Variants in ATP2B4 observed in about 807,000 individuals in gnomAD.
ATP2B4 encodes plasma membrane calcium-transporting ATPase 4.
Under a neutral mutation model 110.3 loss-of-function variants are expected in ATP2B4, and 39 were observed. That is an observed-to-expected ratio of 0.35 (90% confidence interval 0.27 to 0.46). The LOEUF (loss-of-function observed/expected upper bound fraction) is 0.46, where lower values mean the gene tolerates loss of function less well. Ranked by LOEUF, ATP2B4 falls within the 20% of genes least tolerant of loss-of-function variation. ATP2B4 has a pLI of 1.00. For synonymous variants in ATP2B4, 538 were observed against 571.7 expected (o/e 0.94, Z 0.84); for missense variants, 1,135 against 1,530.9 (o/e 0.74, Z 4.32).
intron 1 of ATP2B4, among the ~76,000 whole-genome samples, chr1:203,643,936 T>C (rs774015584): frequency 7.2e-5 from 11 of 152,158 alleles, no homozygotes; most frequent in Non-Finnish European, 1.3e-4. Flanking sequence ...CTTTGGCTCA[T>C]AGAATGAGGA....
intron 10 of ATP2B4, 25 bp downstream of exon 10, chr1:203,708,129 C>T: frequency 6.2e-7 from 1 of 1,611,426 alleles, no homozygotes; most frequent in Non-Finnish European, 8.5e-7. Flanking sequence ...TGCGTAGACA[C>T]TTAGAGTGGG....
intron 1 of ATP2B4, among the ~76,000 whole-genome samples, chr1:203,680,168 C>T (rs1664959898): frequency 6.6e-6 from 1 of 151,918 alleles, no homozygotes; most frequent in African/African-American, 2.4e-5. Flanking sequence ...TGGTTATAAC[C>T]TAGCTAATGG....
In ATP2B4 at chr1:203,740,919, AGCCATCT is replaced by A. The variant is rs981105664; in HGVS notation, c.*1070_*1076del. The A allele has an allele frequency of 1.3e-5, 2 of 152,258 alleles. No individual in the cohort carries two copies. Among genetic ancestry groups the A allele is most frequent in the African/African-American group, 4.8e-5 (2 of 41,450 alleles). The allele number at this position is 152,258 out of a possible 1,614,324, so 9.4% of individuals were successfully genotyped here. ...TCTTTGGGGTGACCACTGCTTTCAA[AGCCATCT>A]GCCAAGGCTCTCCAGGGCAGGACCT... On this transcript the variant is annotated 3_prime_UTR_variant, in exon 21 of 21. Transcript: ENST00000357681.
intron 1 of ATP2B4, among the ~76,000 whole-genome samples, chr1:203,662,444 C>T (rs1664368662): frequency 6.6e-6 from 1 of 152,186 alleles, no homozygotes; most frequent in Non-Finnish European, 1.5e-5. Flanking sequence ...AAACTCTGTA[C>T]CCATTAAACA....
intron 20 of ATP2B4, chr1:203,729,560 A>AAG (rs1553251647): frequency 1.7e-4 from 76 of 449,822 alleles, no homozygotes; most frequent in Admixed American, 9.8e-4. Context: ...AAAAAAAAAA[A>AAG]AAGAAGAAGA....
intron 1 of ATP2B4, among the ~76,000 whole-genome samples, chr1:203,640,323 G>C (rs993712261): frequency 6.6e-6 from 1 of 152,182 alleles, no homozygotes; most frequent in East Asian, 1.9e-4. Flanking sequence ...AACACTTGTT[G>C]CATCCTTTTT....
In ATP2B4 at chr1:203,699,385, T is replaced by A. The variant is rs544989103; in HGVS notation, c.392-75T>A. On this transcript the variant is annotated intron_variant, in intron 3 of 20. Transcript: ENST00000357681. ...TCCTGACTTTCTATCTTGGGGTGAT[T>A]GTGGAAGCACTACTCCTATTTCTTA... The A allele has an allele frequency of 1.3e-5, 21 of 1,569,320 alleles. No homozygotes were observed. The South Asian group carries it at 2.5e-4, about 19-fold the overall frequency.
At chr1:203,686,974 C>T (rs1477087130) in intron 2 of ATP2B4, among the ~76,000 whole-genome samples, 3 of 144,974 alleles carry the variant, frequency 2.1e-5, no homozygotes, top group African/African-American at 5.1e-5. Context: ...GGATTACAGG[C>T]GTGAGCCATG....
chr1:203,656,913 T>C, intron 1 of ATP2B4: 1 of 598,108 alleles, frequency 1.7e-6, no homozygotes, highest in Non-Finnish European at 3.0e-6. Context: ...ATTACAGTAA[T>C]GGCAGTTTTT....
intron 1 of ATP2B4, among the ~76,000 whole-genome samples, chr1:203,644,935 G>A (rs902930551): frequency 6.6e-6 from 1 of 152,218 alleles, no homozygotes; most frequent in South Asian, 2.1e-4. Flanking sequence ...CCAAGGTGGA[G>A]AGGAGGTCTG....
At chr1:203,636,263 G>A (rs572408276) in intron 1 of ATP2B4, among the ~76,000 whole-genome samples, 11 of 152,248 alleles carry the variant, frequency 7.2e-5, no homozygotes, top group African/African-American at 1.4e-4. Flanking sequence ...GGCCTTCTAG[G>A]CACTCCCTTG....
At chr1:203,680,334 G>A (rs896670745) in intron 1 of ATP2B4, among the ~76,000 whole-genome samples, 1 of 152,160 alleles carries the variant, frequency 6.6e-6, no homozygotes, top group Non-Finnish European at 1.5e-5. Flanking sequence ...TAGGCGGCTG[G>A]GCGCGGTGGC....
intron 1 of ATP2B4, among the ~76,000 whole-genome samples, chr1:203,673,827 C>T (rs1664747188): frequency 6.6e-6 from 1 of 152,202 alleles, no homozygotes; most frequent in South Asian, 2.1e-4. Flanking sequence ...CCCCCTTGTC[C>T]TGAGGACTCC....
In ATP2B4 at chr1:203,722,467, C is replaced by T. The variant is rs1469118673; in HGVS notation, c.2813-11C>T. ...ACACTTAACCTCCAGTGCTTCTCCT[C>T]TCCCCACTAGGTGAGAAATTCTTTG... is the stretch of plus-strand genomic sequence containing the variant. On this transcript the variant is annotated splice_polypyrimidine_tract_variant and intron_variant, in intron 17 of 20. Transcript: ENST00000357681. The T allele has an allele frequency of 3.7e-6, 6 of 1,604,234 alleles. No individual in the cohort carries two copies. The South Asian group carries it at 6.6e-5, about 18-fold the overall frequency.
At chr1:203,700,128 G>A (rs1198650036) in intron 4 of ATP2B4, 78 bp from the exon 5 acceptor site, 1 of 1,517,554 alleles carries the variant, frequency 6.6e-7, no homozygotes, top group African/African-American at 1.4e-5. Context: ...AGATAGGGTT[G>A]AAGGAGTTGG....
chr1:203,705,258 A>G (rs1025928743), intron 8 of ATP2B4, among the ~76,000 whole-genome samples: 2 of 152,218 alleles, frequency 1.3e-5, no homozygotes, highest in Non-Finnish European at 2.9e-5. Flanking sequence ...AGCTAATTTT[A>G]ACTACTGTGA....
chr1:203,722,808 TA>T (rs1354708311), intron 18 of ATP2B4, 119 bp downstream of exon 18: 31 of 927,754 alleles, frequency 3.3e-5, no homozygotes, highest in Non-Finnish European at 4.6e-5. Context: ...ACTGGAGCTG[TA>T]AGTTGAACAC....
chr1:203,657,505 T>C, intron 1 of ATP2B4: 3 of 787,904 alleles, frequency 3.8e-6, no homozygotes, highest in East Asian at 2.4e-5. Context: ...CCCTGTGGAG[T>C]CTTTTCATCC....
chr1:203,732,923 T>C (rs1173971451), intron 20 of ATP2B4, among the ~76,000 whole-genome samples: 1 of 151,916 alleles, frequency 6.6e-6, no homozygotes, highest in African/African-American at 2.4e-5. Flanking sequence ...CTTGGCCCCC[T>C]CTAAACCTCA....
Sources: gnomAD v4.1 joint callset for allele counts (sites outside exome capture counted in the v4.1 genomes callset) on GRCh38, gnomAD v4.1.1 for gene constraint, MANE v1.5 for transcripts, NCBI Gene and HGNC (gene_info 2026-07-23, HGNC 2026-07-21) for gene names.